GPRIN3: variants seen among roughly 807,000 people sequenced by gnomAD.
GPRIN3 encodes the protein GPRIN family member 3, also known as G protein-regulated inducer of neurite outgrowth 3.
In GPRIN3, 12 loss-of-function variants were observed where a neutral mutation model predicts 13.7. That is an observed-to-expected ratio of 0.87 (90% CI 0.56 to 1.42). The LOEUF is 1.42. Ranked by LOEUF, GPRIN3 falls within the 40% of genes most tolerant of loss-of-function variation. The pLI, the probability that GPRIN3 is intolerant of heterozygous loss-of-function variation, is 0.00. For synonymous variants in GPRIN3, 377 were observed against 372.7 expected, an observed-to-expected ratio of 1.01 and a Z score of -0.13; for missense variants, 1,009 against 958.7, an observed-to-expected ratio of 1.05 and a Z score of -0.69.
At position 89,243,924 on chromosome 4, in the gene GPRIN3, GA is replaced by G. The variant is rs1294134559; in HGVS notation, c.*3855del. 1 of 152,212 alleles carries G rather than the reference GA, an allele frequency of 6.6e-6. No individual in the cohort carries two copies. The allele number at this position is 152,212 out of a possible 1,614,324, so 9.4% of individuals were successfully genotyped here. ...TTTAAACACTTGGCACAATATGTAG[GA>G]GGAAGAGAAGACACACATTTCACAC... On this transcript the variant is annotated 3_prime_UTR_variant, in exon 2 of 2. Transcript: ENST00000609438.
intron 1 of GPRIN3, among the ~76,000 whole-genome samples, chr4:89,268,947 C>G (rs1215299765): frequency 6.6e-6 from 1 of 152,058 alleles, no homozygotes. Context: ...TATTACATAA[C>G]CCTTGAATGA....
chr4:89,275,394 T>A (rs1561210378), intron 1 of GPRIN3, among the ~76,000 whole-genome samples: 1 of 152,192 alleles, frequency 6.6e-6, no homozygotes, highest in African/African-American at 2.4e-5. Flanking sequence ...AAAATAATAG[T>A]ACCCTGTCGA....
intron 1 of GPRIN3, among the ~76,000 whole-genome samples, chr4:89,265,514 A>C (rs773286999): frequency 3.9e-5 from 6 of 152,194 alleles, no homozygotes; most frequent in Non-Finnish European, 8.8e-5. Flanking sequence ...AATACTTATA[A>C]CTATATTTGC....
chr4:89,302,229 C>T (rs1288860702), intron 1 of GPRIN3, among the ~76,000 whole-genome samples: 1 of 152,156 alleles, frequency 6.6e-6, no homozygotes, highest in Non-Finnish European at 1.5e-5. Flanking sequence ...ATGGAGAAAA[C>T]TCTTGGACAT....
Position 89,248,799 on chromosome 4 carries a change from C to T in GPRIN3, c.1312G>A (p.Gly438Arg). The change falls in exon 2 of 2, where the codon GGG (glycine) becomes AGG (arginine). Residue 438 changes from glycine to arginine, a missense_variant. By Grantham distance (125) the Gly-to-Arg change is moderately radical. Transcript: ENST00000609438. Reference protein sequence around the residue: ...SNAQHTCKEDGRLAGMTPVRE... With the variant: ...SNAQHTCKEDRRLAGMTPVRE... Reference sequence around the variant, plus strand: ...ACTGGAGTCATTCCTGCTAACCTCCCATCTTCTTTACACGTATGCTGGGCA... The same window carrying T: ...ACTGGAGTCATTCCTGCTAACCTCCTATCTTCTTTACACGTATGCTGGGCA... The T allele has an allele frequency of 6.2e-7, 1 of 1,614,198 alleles. No individual in the cohort carries two copies. Among genetic ancestry groups the T allele is most frequent in the Non-Finnish European group, 8.5e-7 (1 of 1,180,028 alleles).
intron 1 of GPRIN3, among the ~76,000 whole-genome samples, chr4:89,278,881 GGA>G (rs1724166839): frequency 6.6e-6 from 1 of 152,186 alleles, no homozygotes; most frequent in South Asian, 2.1e-4. Flanking sequence ...GGAAACCTAT[GGA>G]AGCAGGTTCA....
chr4:89,255,505 G>C (rs1419317160), intron 1 of GPRIN3, among the ~76,000 whole-genome samples: 4 of 152,192 alleles, frequency 2.6e-5, no homozygotes, highest in African/African-American at 4.8e-5. Context: ...CAATAGAGTA[G>C]AGAGATGGGG....
intron 1 of GPRIN3, among the ~76,000 whole-genome samples, chr4:89,284,084 C>T (rs111295025): frequency 1.0e-3 from 156 of 152,262 alleles, no homozygotes; most frequent in African/African-American, 3.6e-3. Context: ...TTGAGGTAAA[C>T]GCTATGACAG....
chr4:89,244,746 T>C lies in GPRIN3; in HGVS notation c.*3034A>G, dbSNP rs542460550. ...TGTTAAGTGGTATAGCATCTTAATA[T>C]TTTAAATGTTGAATTGTCTTCCAGA... On this transcript the variant is annotated 3_prime_UTR_variant, in exon 2 of 2. Transcript: ENST00000609438. The C allele has an allele frequency of 1.5e-4, 23 of 152,354 alleles. No individual in the cohort carries two copies. Among genetic ancestry groups the C allele is most frequent in the Middle Eastern group, 3.4e-3 (1 of 294 alleles). The allele number at this position is 152,354 out of a possible 1,614,324, so 9.4% of individuals were successfully genotyped here. A position where few individuals can be genotyped will look rare whatever the true frequency, so the allele number is the denominator to read the frequency against.
intron 1 of GPRIN3, among the ~76,000 whole-genome samples, chr4:89,254,128 G>GTGTGTGTGTGTGTGTGTGTGTGT (rs1723403981): frequency 6.8e-6 from 1 of 147,646 alleles, no homozygotes; most frequent in African/African-American, 2.5e-5. Flanking sequence ...GTTGCATCTG[G>GTGTGTGTGTGTGTGTGTGTGTGT]GTGTGTGTGT....
At chr4:89,293,471 T>C (rs1312448477) in intron 1 of GPRIN3, among the ~76,000 whole-genome samples, 5 of 152,228 alleles carry the variant, frequency 3.3e-5, no homozygotes, top group Non-Finnish European at 7.3e-5. Flanking sequence ...ACCTTGTCCA[T>C]GGCAGGCAGC....
In GPRIN3 at chr4:89,248,107, G is replaced by T; in HGVS notation, c.2004C>A (p.Gly668=). The T allele has an allele frequency of 6.2e-7, 1 of 1,614,038 alleles. No individual in the cohort carries two copies. The change falls in exon 2 of 2, where the codon GGC becomes GGA. Residue 668 remains glycine (G), a synonymous_variant. Transcript: ENST00000609438. ...LTPGDKKKQL[G]ADSKLQLKQS... ...GTTTCAGCTGGAGCTTGGAGTCTGC[G>T]CCAAGCTGCTTTTTCTTATCTCCTG...
intron 1 of GPRIN3, among the ~76,000 whole-genome samples, chr4:89,299,901 A>T (rs536891718): frequency 6.6e-6 from 1 of 152,190 alleles, no homozygotes; most frequent in African/African-American, 2.4e-5. Flanking sequence ...AAGCAATCCA[A>T]TGTGAGATCT....
intron 1 of GPRIN3, among the ~76,000 whole-genome samples, chr4:89,294,016 G>C (rs942397727): frequency 2.9e-4 from 44 of 152,098 alleles, no homozygotes; most frequent in African/African-American, 9.9e-4. Flanking sequence ...ATTCTCCCTT[G>C]TTTTGGGGAT....
rs1395441865 is a variant in GPRIN3 at position 89,247,601 on chromosome 4, G to T, written c.*179C>A. ...CTTGTTCCTTCTTTCAAATTGAAAT[G>T]ACATTTTTGTTTATAGAGCTCCAGG... On this transcript the variant is annotated 3_prime_UTR_variant, in exon 2 of 2. Transcript: ENST00000609438. 3 of 524,844 alleles carry T rather than the reference G, an allele frequency of 5.7e-6. No homozygotes were observed. The highest frequency in any genetic ancestry group is 6.3e-5 in the East Asian group (2 of 31,860). The allele number at this position is 524,844 out of a possible 1,614,324, so 32.5% of individuals were successfully genotyped here.
Position 89,246,203 on chromosome 4 carries a change from G to C in GPRIN3, c.*1577C>G, listed in dbSNP as rs1723093621. ...TACCCACGGGACACATGAGTCTCTA[G>C]AGAGAATACCTATGGTTAGGTACTC... On this transcript the variant is annotated 3_prime_UTR_variant, in exon 2 of 2. Coordinates refer to ENST00000609438, the MANE Select transcript of GPRIN3 (RefSeq NM_198281.3). 1 of 152,202 alleles carries C rather than the reference G, an allele frequency of 6.6e-6. No homozygotes were observed. The highest frequency in any genetic ancestry group is 2.1e-4 in the South Asian group (1 of 4,834). The allele number at this position is 152,202 out of a possible 1,614,324, so 9.4% of individuals were successfully genotyped here. A position where few individuals can be genotyped will look rare whatever the true frequency, so the allele number is the denominator to read the frequency against.
chr4:89,281,619 T>C (rs566602829), intron 1 of GPRIN3, among the ~76,000 whole-genome samples: 3 of 152,222 alleles, frequency 2.0e-5, no homozygotes, highest in South Asian at 2.1e-4. Flanking sequence ...CCAATCTATA[T>C]CAGACATGGA....
intron 1 of GPRIN3, chr4:89,251,255 A>C (rs764750013): frequency 6.6e-6 from 1 of 152,234 alleles, no homozygotes; most frequent in Non-Finnish European, 1.5e-5. Flanking sequence ...ATAAAGTAAC[A>C]ATGCAATTTG....
intron 1 of GPRIN3, among the ~76,000 whole-genome samples, chr4:89,292,205 A>G (rs1455729304): frequency 1.3e-5 from 2 of 152,236 alleles, no homozygotes; most frequent in African/African-American, 2.4e-5. Flanking sequence ...AATTTTGTCA[A>G]TTGTGGAACA....
Sources: gnomAD v4.1 joint callset for allele counts (sites outside exome capture counted in the v4.1 genomes callset) on GRCh38, gnomAD v4.1.1 for gene constraint, MANE v1.5 for transcripts, NCBI Gene and HGNC (gene_info 2026-07-23, HGNC 2026-07-21) for gene names.